The following RAPGEF1 variants were observed in gnomAD, a reference collection of about 807,000 sequenced individuals.
The protein encoded by RAPGEF1 is CRK SH3-binding GNRP.
In RAPGEF1, 33 loss-of-function variants were observed where a neutral mutation model predicts 143.3. The ratio of observed to expected loss-of-function variants is 0.23; its 90% CI spans 0.17 to 0.31. The LOEUF (loss-of-function observed/expected upper bound fraction) is 0.31, where lower values mean the gene tolerates loss of function less well. Among genes scored for constraint, RAPGEF1 ranks in the 10% least tolerant of loss-of-function variants. The probability of loss-of-function intolerance (pLI) is 1.00; values close to 1 mark genes in which losing one functional copy is unlikely to be tolerated. For missense variants in RAPGEF1, 1,199 were observed against 1,645.4 expected (o/e 0.73, Z 4.69); for synonymous variants, 629 against 676.5 (o/e 0.93, Z 1.09).
At chr9:131,646,394 A>C (rs1969635270) in intron 3 of RAPGEF1, among the ~76,000 whole-genome samples, 1 of 152,262 alleles carries the variant, frequency 6.6e-6, no homozygotes, top group Non-Finnish European at 1.5e-5. Context: ...CTGGTCAAAA[A>C]GATCTCATTT....
chr9:131,638,848 C>A, intron 4 of RAPGEF1, 57 bp from the exon 5 acceptor site: 1 of 1,531,198 alleles, frequency 6.5e-7, no homozygotes, highest in Non-Finnish European at 8.9e-7. Context: ...CATCACTTAG[C>A]ACAGAGCCAG....
rs61247767 is a variant in RAPGEF1 at position 131,583,204 on chromosome 9, C to A, written c.3415-502G>T. Among the ~76,000 whole-genome samples, 1 of 152,128 alleles carries A rather than the reference C, an allele frequency of 6.6e-6. No homozygotes were observed. The highest frequency in any genetic ancestry group is 6.5e-5 in the Admixed American group (1 of 15,282). ...CTCTCCTGCAGGGGTGGGGGGCTCC[C>A]ACCTAGGAGACTCAGCCAGCCCTGC... On this transcript the variant is annotated intron_variant, in intron 24 of 26. Transcript: ENST00000683357. The surrounding 1 kb of genome is among the most constrained non-coding windows in gnomAD (Gnocchi z 4.7).
rs2132119377 is a variant in RAPGEF1, at chr9:131,583,903, T to C, written c.3414+408A>G. Reference sequence around the variant, plus strand: ...TGGCCCACCTGCCCACCCTTCTTCTTTTAGTGCTTATCTAGCAGAAACTCA... The same window carrying C: ...TGGCCCACCTGCCCACCCTTCTTCTCTTAGTGCTTATCTAGCAGAAACTCA... On this transcript the variant is annotated intron_variant, in intron 24 of 26. Transcript: ENST00000683357. The surrounding 1 kb of genome is among the most constrained non-coding windows in gnomAD (Gnocchi z 4.7). Among the ~76,000 whole-genome samples the C allele has an allele frequency of 6.6e-6, 1 of 152,290 alleles. No homozygotes were observed. Among genetic ancestry groups the C allele is most frequent in the Non-Finnish European group, 1.5e-5 (1 of 67,998 alleles).
chr9:131,734,430 C>A (rs529777152), intron 1 of RAPGEF1, among the ~76,000 whole-genome samples: 254 of 152,346 alleles, frequency 1.7e-3, no homozygotes, highest in African/African-American at 5.7e-3. Flanking sequence ...TCTGATTCTA[C>A]CCCTGGACTG....
intron 1 of RAPGEF1, among the ~76,000 whole-genome samples, chr9:131,717,955 G>C (rs1174714498): frequency 6.6e-6 from 1 of 152,078 alleles, no homozygotes; most frequent in Non-Finnish European, 1.5e-5. Flanking sequence ...ACTCATGTTT[G>C]CCCAGTTCTT....
In RAPGEF1 at chr9:131,619,964, T is replaced by G. The variant is rs11243455; in HGVS notation, c.1906-758A>C. On this transcript the variant is annotated intron_variant, in intron 11 of 26. Coordinates refer to ENST00000683357, the MANE Select transcript of RAPGEF1 (RefSeq NM_001377935.1). ...TTCTAGCTGTGGGCTTGGATTAAGG[T>G]TCGCTGGCTCTGTCTGCCTCAATTT... Among the ~76,000 whole-genome samples, 223 of 152,208 alleles carry G rather than the reference T, an allele frequency of 1.5e-3. 5 individuals carry two copies. In the East Asian group the frequency reaches 0.039, roughly 27 times the overall value.
chr9:131,700,551 T>C (rs978582092), intron 1 of RAPGEF1, among the ~76,000 whole-genome samples: 14 of 152,368 alleles, frequency 9.2e-5, no homozygotes, highest in Non-Finnish European at 1.9e-4. Flanking sequence ...ACACAGGACC[T>C]GTTCAATAAA....
intron 1 of RAPGEF1, among the ~76,000 whole-genome samples, chr9:131,698,458 T>C (rs570839555): frequency 6.6e-6 from 1 of 152,314 alleles, no homozygotes; most frequent in African/African-American, 2.4e-5. Context: ...CAAAGAACTC[T>C]TGTGATGATT....
chr9:131,614,772 C>T (rs1958646761), intron 12 of RAPGEF1, among the ~76,000 whole-genome samples: 1 of 152,136 alleles, frequency 6.6e-6, no homozygotes, highest in African/African-American at 2.4e-5. Flanking sequence ...AGCTGCTCTG[C>T]AGACCCTTTT....
intron 1 of RAPGEF1, among the ~76,000 whole-genome samples, chr9:131,730,298 A>AG (rs1404131307): frequency 3.0e-4 from 46 of 152,228 alleles, no homozygotes; most frequent in Admixed American, 2.8e-3. Context: ...TGATTAGTTA[A>AG]GTGCTATCCA....
chr9:131,602,482 C>G (rs979399994), intron 14 of RAPGEF1, among the ~76,000 whole-genome samples: 4 of 152,216 alleles, frequency 2.6e-5, no homozygotes, highest in African/African-American at 9.6e-5. Context: ...GCTGTGCCCA[C>G]TTCTCCTCAT....
At chr9:131,636,373 G>A (rs1475653050) in intron 5 of RAPGEF1, among the ~76,000 whole-genome samples, 1 of 152,186 alleles carries the variant, frequency 6.6e-6, no homozygotes, top group Non-Finnish European at 1.5e-5. Context: ...AAGCAATTGT[G>A]GAAAAGTTAT....
At chr9:131,592,537 C>T (rs985287926) in intron 17 of RAPGEF1, among the ~76,000 whole-genome samples, 1 of 152,072 alleles carries the variant, frequency 6.6e-6, no homozygotes, top group East Asian at 1.9e-4. Context: ...CTTAGGCTGA[C>T]GAGTGACGCC....
intron 1 of RAPGEF1, among the ~76,000 whole-genome samples, chr9:131,705,884 C>A (rs1021801529): frequency 6.6e-6 from 1 of 152,208 alleles, no homozygotes; most frequent in Admixed American, 6.5e-5. Flanking sequence ...GGCTTTTCAA[C>A]TCCCCAGGTG....
intron 3 of RAPGEF1, among the ~76,000 whole-genome samples, chr9:131,644,256 G>A (rs1435790422): frequency 6.6e-6 from 1 of 152,110 alleles, no homozygotes; most frequent in Non-Finnish European, 1.5e-5. Context: ...CACCCCTTTT[G>A]TTCTTCTCTC....
At chr9:131,737,051 C>T (rs906560020) in intron 1 of RAPGEF1, among the ~76,000 whole-genome samples, 1 of 152,136 alleles carries the variant, frequency 6.6e-6, no homozygotes, top group Non-Finnish European at 1.5e-5. Flanking sequence ...ACTCCAGGCG[C>T]GCCCCAGTCT....
At chr9:131,638,586 A>T (rs1254002548) in intron 5 of RAPGEF1, 49 bp downstream of exon 5, 1 of 1,598,704 alleles carries the variant, frequency 6.3e-7, no homozygotes, top group Admixed American at 1.7e-5. Context: ...ACCAGCAGGC[A>T]GGCTGCTCTA....
At position 131,587,783 on chromosome 9, in the gene RAPGEF1, G is replaced by A. The variant is rs746092200; in HGVS notation, c.3186C>T (p.Ser1062=). 1 of 1,613,852 alleles carries A rather than the reference G, an allele frequency of 6.2e-7. No individual in the cohort carries two copies. Among genetic ancestry groups the A allele is most frequent in the South Asian group, 1.1e-5 (1 of 91,018 alleles). The part of the protein sequence containing the change: ...LWAKEQNEEK[S]PNLTQFTEHF... ...GCTCCGTGAACTGGGTCAAGTTGGG[G>A]CTCTTCTCCTCATTCTGCTCTTTTG... Residue 1062 remains serine, a synonymous_variant, in exon 22 of 27, where the codon AGC becomes AGT. Coordinates refer to ENST00000683357, the MANE Select transcript of RAPGEF1 (RefSeq NM_001377935.1).
chr9:131,589,475 G>C (rs995761534), intron 19 of RAPGEF1, among the ~76,000 whole-genome samples: 1 of 152,244 alleles, frequency 6.6e-6, no homozygotes, highest in Non-Finnish European at 1.5e-5. Flanking sequence ...TTAGCGGAAC[G>C]GATATGGCCA....
Sources: gnomAD v4.1 joint callset for allele counts (sites outside exome capture counted in the v4.1 genomes callset) on GRCh38, gnomAD v4.1.1 for gene constraint, Gnocchi (gnomAD v3.1) non-coding constraint, MANE v1.5 for transcripts, NCBI Gene and HGNC (gene_info 2026-07-23, HGNC 2026-07-21) for gene names.